The following SPRY3 variants were observed in gnomAD, a reference collection of about 807,000 sequenced individuals.
SPRY3 encodes the protein protein sprouty homolog 3.
A neutral mutation model predicts 20.2 loss-of-function variants in SPRY3; 15 were observed. That is an observed-to-expected ratio of 0.74 (90% CI 0.50 to 1.14). The LOEUF (loss-of-function observed/expected upper bound fraction) is 1.14. Among genes scored for constraint, SPRY3 ranks in the 50% most tolerant of loss-of-function variants. SPRY3 has a pLI of 0.00. For synonymous variants in SPRY3, 143 were observed against 136.5 expected, an observed-to-expected ratio of 1.05 and a Z score of -0.33; for missense variants, 364 against 363.9, an observed-to-expected ratio of 1.00 and a Z score of 0.00.
chrX:155,728,613 A>C (rs978345740), intron 2 of SPRY3, among the ~76,000 whole-genome samples: 10 of 152,220 alleles, frequency 6.6e-5, no homozygotes, highest in Non-Finnish European at 1.2e-4. Flanking sequence ...GGGAACTGCC[A>C]AGCCAGGTAT....
At chrX:155,706,183 A>G (rs1267747795) in intron 2 of SPRY3, among the ~76,000 whole-genome samples, 1 of 151,286 alleles carries the variant, frequency 6.6e-6, no homozygotes, top group East Asian at 1.9e-4. Flanking sequence ...TTGCAGTAGA[A>G]TTAAACTGGA....
chrX:155,697,308 A>G (rs1569562669), intron 2 of SPRY3, among the ~76,000 whole-genome samples: 1 of 110,397 alleles, frequency 9.1e-6, no homozygotes, highest in African/African-American at 3.3e-5. Context: ...AAGCTCAGAC[A>G]TTGGTCTTCC....
chrX:155,707,181 C>T (rs143796149), intron 2 of SPRY3, among the ~76,000 whole-genome samples: 4,878 of 151,094 alleles, frequency 0.032, 3 homozygotes, highest in East Asian at 0.23. Flanking sequence ...AATTTCGATA[C>T]GTTTTGTTGT....
intron 1 of SPRY3, among the ~76,000 whole-genome samples, chrX:155,635,354 C>G (rs894414664): frequency 9.0e-6 from 1 of 111,282 alleles, no homozygotes; most frequent in African/African-American, 3.3e-5. Flanking sequence ...CATACATGTG[C>G]ATGTGTCTTT....
intron 2 of SPRY3, among the ~76,000 whole-genome samples, chrX:155,755,436 C>T (rs2091280377): frequency 6.6e-6 from 1 of 151,878 alleles, no homozygotes; most frequent in Admixed American, 6.6e-5. Context: ...AGGGTATGGG[C>T]TCTGGAGTTA....
At chrX:155,770,808 T>C (rs1259624127) in intron 3 of SPRY3, among the ~76,000 whole-genome samples, 8 of 152,178 alleles carry the variant, frequency 5.3e-5, no homozygotes, top group African/African-American at 1.4e-4. Flanking sequence ...GTGTCTTGCC[T>C]GTTCCTTTCT....
At chrX:155,739,544 T>A (rs1335067152) in intron 2 of SPRY3, among the ~76,000 whole-genome samples, 1 of 152,040 alleles carries the variant, frequency 6.6e-6, no homozygotes, top group Non-Finnish European at 1.5e-5. Flanking sequence ...TCCAGATACC[T>A]CCTAGAGGAG....
At chrX:155,742,025 G>A (rs1400000193) in intron 2 of SPRY3, among the ~76,000 whole-genome samples, 1 of 152,038 alleles carries the variant, frequency 6.6e-6, no homozygotes, top group Non-Finnish European at 1.5e-5. Context: ...TTAGCTAAAT[G>A]CCCCAATTAA....
At chrX:155,761,880 A>G (rs1417171116) in intron 2 of SPRY3, among the ~76,000 whole-genome samples, 7 of 151,908 alleles carry the variant, frequency 4.6e-5, no homozygotes, top group Admixed American at 3.3e-4. Context: ...TAACTGTTCC[A>G]CATGGTAACA....
At chrX:155,762,334 T>G (rs2124593135) in intron 2 of SPRY3, among the ~76,000 whole-genome samples, 1 of 152,334 alleles carries the variant, frequency 6.6e-6, no homozygotes, top group African/African-American at 2.4e-5. Context: ...ATACATAAGT[T>G]ACTACAGTAC....
At chrX:155,759,676 T>A (rs1295408601) in intron 2 of SPRY3, among the ~76,000 whole-genome samples, 1 of 152,162 alleles carries the variant, frequency 6.6e-6, no homozygotes, top group Non-Finnish European at 1.5e-5. Flanking sequence ...CCTAATTTAG[T>A]AAAGGAAATA....
chrX:155,743,207 GA>G (rs2091211539), intron 2 of SPRY3, among the ~76,000 whole-genome samples: 1 of 152,054 alleles, frequency 6.6e-6, no homozygotes, highest in Non-Finnish European at 1.5e-5. Context: ...AAATAAACTA[GA>G]AAATCTAGAA....
chrX:155,647,175 T>C (rs1557351952), intron 1 of SPRY3, among the ~76,000 whole-genome samples: 1 of 111,870 alleles, frequency 8.9e-6, no homozygotes, highest in African/African-American at 3.2e-5. Context: ...CTACTTTTAT[T>C]GTATTGTCTC....
At chrX:155,749,541 CA>C (rs1280593332) in intron 2 of SPRY3, among the ~76,000 whole-genome samples, 1 of 151,392 alleles carries the variant, frequency 6.6e-6, no homozygotes, top group East Asian at 1.9e-4. Flanking sequence ...AAAAGGAACA[CA>C]AAATAAAAAA....
At chrX:155,716,237 G>A (rs1319730889) in intron 2 of SPRY3, among the ~76,000 whole-genome samples, 4 of 151,982 alleles carry the variant, frequency 2.6e-5, no homozygotes, top group Non-Finnish European at 5.9e-5. Flanking sequence ...TCCTTCCTTT[G>A]CCATCCCAAA....
intron 2 of SPRY3, among the ~76,000 whole-genome samples, chrX:155,692,363 A>G (rs895546776): frequency 9.0e-6 from 1 of 111,367 alleles, no homozygotes; most frequent in African/African-American, 3.3e-5. Flanking sequence ...TGAACTGAAC[A>G]TGTCTGAGTC....
chrX:155,728,653 T>A (rs1234240953), intron 2 of SPRY3, among the ~76,000 whole-genome samples: 3 of 152,200 alleles, frequency 2.0e-5, no homozygotes, highest in African/African-American at 7.2e-5. Context: ...TGCCAGTTGC[T>A]AAGACCATGG....
intron 2 of SPRY3, among the ~76,000 whole-genome samples, chrX:155,660,183 G>A (rs182118395): frequency 1.1e-3 from 118 of 111,147 alleles, no homozygotes; most frequent in African/African-American, 3.2e-3. Context: ...CCCCCTTAGC[G>A]GTGTTTTTGC....
At chrX:155,779,737 T>C (rs368167098), downstream of SPRY3, 11 of 167,136 alleles carry the variant, frequency 6.6e-5, no homozygotes, top group East Asian at 1.9e-3. Context: ...ATGAGTTGGT[T>C]GGCTGGCTTT....
Sources: allele counts gnomAD v4.1 joint callset (sites outside exome capture counted in the v4.1 genomes callset), GRCh38; gene constraint gnomAD v4.1.1; transcripts MANE v1.5; gene names NCBI Gene and HGNC (gene_info 2026-07-23, HGNC 2026-07-21).